KHDRBS2: variants seen among roughly 807,000 people sequenced by gnomAD.
KHDRBS2 encodes KH domain-containing, RNA-binding, signal transduction-associated protein 2.
In KHDRBS2, 26 loss-of-function variants were observed where a neutral mutation model predicts 44.3. The observed-to-expected ratio is 0.59, with a 90% CI of 0.43 to 0.81. The LOEUF is 0.81. Among genes scored for constraint, KHDRBS2 ranks in the 40% least tolerant of loss-of-function variants. The pLI is 0.00. For missense variants in KHDRBS2, 476 were observed against 433.1 expected (o/e 1.10, Z -0.88); for synonymous variants, 194 against 151.1 (o/e 1.28, Z -2.08).
At chr6:61,543,605 A>G in the KHDRBS2 span, among the ~76,000 whole-genome samples, 2 of 152,050 alleles carry the variant, frequency 1.3e-5, no homozygotes, top group Admixed American at 6.6e-5. Context: ...TGCTAGATAT[A>G]TACCCCAAAG....
At chr6:62,151,792 C>T (rs551138467) in intron 2 of KHDRBS2, among the ~76,000 whole-genome samples, 1 of 152,254 alleles carries the variant, frequency 6.6e-6, no homozygotes, top group Admixed American at 6.5e-5. Context: ...AGAAGTAGCA[C>T]TGGTGAATAA....
At chr6:61,781,945 T>C (rs1435630230) in intron 6 of KHDRBS2, among the ~76,000 whole-genome samples, 1 of 152,148 alleles carries the variant, frequency 6.6e-6, no homozygotes, top group African/African-American at 2.4e-5. Context: ...TATGCCAAAT[T>C]AAGAATTTTG....
At chr6:62,137,648 C>T (rs371728432) in intron 2 of KHDRBS2, among the ~76,000 whole-genome samples, 2 of 152,212 alleles carry the variant, frequency 1.3e-5, no homozygotes. Flanking sequence ...TGCTTTCTAC[C>T]TACCTGAGAC....
At chr6:61,705,205 C>G (rs1289531174) in intron 7 of KHDRBS2, among the ~76,000 whole-genome samples, 1 of 151,754 alleles carries the variant, frequency 6.6e-6, no homozygotes, top group African/African-American at 2.4e-5. Flanking sequence ...GAACCTATAT[C>G]CATTATATGC....
chr6:61,893,920 A>C (rs1365262148), intron 6 of KHDRBS2, among the ~76,000 whole-genome samples: 2 of 152,142 alleles, frequency 1.3e-5, no homozygotes, highest in Non-Finnish European at 2.9e-5. Context: ...AAACATTTAC[A>C]GAAGACTTCC....
chr6:62,265,053 C>A lies in KHDRBS2; in HGVS notation c.91+20805G>T, dbSNP rs546395471. Among the ~76,000 whole-genome samples, 68 of 151,954 alleles carry A rather than the reference C, an allele frequency of 4.5e-4. 1 individual carries two copies. Among genetic ancestry groups the A allele is most frequent in the African/African-American group, 1.6e-3 (68 of 41,490 alleles). On this transcript the variant is annotated intron_variant, in intron 1 of 8. Coordinates refer to ENST00000281156, the MANE Select transcript of KHDRBS2 (RefSeq NM_152688.4). ...TTCAGGAGTAATCACAGGAAATTTG[C>A]ATTTTTGTTAAAAGAGAATGATTAA...
the KHDRBS2 span, among the ~76,000 whole-genome samples, chr6:61,556,316 T>C: frequency 3.3e-5 from 5 of 152,046 alleles, no homozygotes; most frequent in Non-Finnish European, 7.4e-5. Flanking sequence ...GCGGCGGGGG[T>C]GCCAATGTCC....
intron 2 of KHDRBS2, among the ~76,000 whole-genome samples, chr6:62,176,425 C>T (rs968371161): frequency 6.6e-6 from 1 of 151,264 alleles, no homozygotes; most frequent in Non-Finnish European, 1.5e-5. Flanking sequence ...TAAACCAGAG[C>T]ATTTATTTCT....
chr6:62,128,887 A>G lies in KHDRBS2; in HGVS notation c.219+48298T>C, dbSNP rs182148095. Among the ~76,000 whole-genome samples the G allele has an allele frequency of 3.0e-3, 454 of 152,214 alleles. 3 individuals carry two copies. The highest frequency in any genetic ancestry group is 4.7e-3 in the Non-Finnish European group (318 of 67,926). On this transcript the variant is annotated intron_variant, in intron 2 of 8. Transcript: ENST00000281156. Reference sequence around the variant, plus strand: ...TTTGAAGTAGTTACATTCTGCTTATATACTTAACATGATTATAATTACTTT... The same window carrying G: ...TTTGAAGTAGTTACATTCTGCTTATGTACTTAACATGATTATAATTACTTT...
rs771356288 is a variant in KHDRBS2 at position 61,688,997 on chromosome 6, C to T, written c.953-7937G>A. ...CATAATATTAGAGTTTGGGCTTTGG[C>T]CTATGTGATATCAGCCCAACCTGAG... On this transcript the variant is annotated intron_variant, in intron 8 of 8. Coordinates refer to ENST00000281156, the MANE Select transcript of KHDRBS2 (RefSeq NM_152688.4). Among the ~76,000 whole-genome samples, 10 of 151,800 alleles carry T rather than the reference C, an allele frequency of 6.6e-5. No homozygotes were observed. The South Asian group carries it at 1.7e-3, about 25-fold the overall frequency.
intron 1 of KHDRBS2, among the ~76,000 whole-genome samples, chr6:62,259,818 A>G (rs1838038323): frequency 6.6e-6 from 1 of 152,084 alleles, no homozygotes; most frequent in Non-Finnish European, 1.5e-5. Flanking sequence ...GCATCAATAA[A>G]GCACAAATAA....
intron 1 of KHDRBS2, among the ~76,000 whole-genome samples, chr6:62,190,622 T>C (rs1824408087): frequency 2.0e-5 from 3 of 152,160 alleles, no homozygotes; most frequent in Admixed American, 1.3e-4. Flanking sequence ...CTGGGTTTCA[T>C]ACTTTTTTCA....
chr6:61,617,706 G>A, the KHDRBS2 span, among the ~76,000 whole-genome samples: 2 of 151,992 alleles, frequency 1.3e-5, no homozygotes. Context: ...ATTAACTAAA[G>A]TAATTTAACA....
chr6:62,137,829 A>C lies in KHDRBS2; in HGVS notation c.219+39356T>G, dbSNP rs1584910651. Among the ~76,000 whole-genome samples, 5 of 152,180 alleles carry C rather than the reference A, an allele frequency of 3.3e-5. No individual in the cohort carries two copies. The South Asian group carries it at 1.0e-3, about 32-fold the overall frequency. ...CAAACTTTGATTTGAGTTTTCATAC[A>C]TTATTTAAAATATCCCAGTTCATAT... On this transcript the variant is annotated intron_variant, in intron 2 of 8. Coordinates refer to ENST00000281156, the MANE Select transcript of KHDRBS2 (RefSeq NM_152688.4).
At chr6:62,019,314 A>G (rs2127278283) in intron 3 of KHDRBS2, among the ~76,000 whole-genome samples, 1 of 152,236 alleles carries the variant, frequency 6.6e-6, no homozygotes, top group African/African-American at 2.4e-5. Flanking sequence ...TTTTACTGAG[A>G]ATATTTTTAT....
intron 6 of KHDRBS2, among the ~76,000 whole-genome samples, chr6:61,837,625 C>T (rs1473522855): frequency 6.6e-6 from 1 of 151,960 alleles, no homozygotes; most frequent in East Asian, 1.9e-4. Flanking sequence ...GCAAAAGTAG[C>T]ACCTGACTCA....
At chr6:61,751,121 G>A (rs1777624972) in intron 6 of KHDRBS2, among the ~76,000 whole-genome samples, 1 of 152,090 alleles carries the variant, frequency 6.6e-6, no homozygotes, top group Non-Finnish European at 1.5e-5. Flanking sequence ...TATAACTGAG[G>A]ATAACCTTGT....
At chr6:61,978,883 A>G (rs921490127) in intron 3 of KHDRBS2, among the ~76,000 whole-genome samples, 10 of 152,032 alleles carry the variant, frequency 6.6e-5, no homozygotes, top group African/African-American at 2.4e-4. Flanking sequence ...AACCAATAAT[A>G]CTAGGTTGGT....
intron 4 of KHDRBS2, among the ~76,000 whole-genome samples, chr6:61,923,858 C>T (rs9360173): frequency 4.6e-5 from 7 of 151,980 alleles, no homozygotes; most frequent in African/African-American, 1.7e-4. Flanking sequence ...AAATTAGAAA[C>T]AAGTTAAACT....
Sources: gnomAD v4.1 joint callset for allele counts (sites outside exome capture counted in the v4.1 genomes callset) on GRCh38, gnomAD v4.1.1 for gene constraint, MANE v1.5 for transcripts, NCBI Gene and HGNC (gene_info 2026-07-23, HGNC 2026-07-21) for gene names.